Variants in MCPH1 observed in about 807,000 individuals in gnomAD.
MCPH1 encodes microcephalin.
A neutral mutation model predicts 84.5 loss-of-function variants in MCPH1; 104 were observed. The ratio of observed to expected loss-of-function variants is 1.23; its 90% CI spans 1.05 to 1.45. The LOEUF is 1.45. Ranked by LOEUF, MCPH1 falls within the 40% of genes most tolerant of loss-of-function variation. MCPH1 has a pLI of 0.00. For synonymous variants in MCPH1, 514 were observed against 366.8 expected (o/e 1.40, Z -4.58); for missense variants, 1,498 against 1,005.7 (o/e 1.49, Z -6.62).
chr8:6,463,752 T>C (rs1806540383), intron 9 of MCPH1, among the ~76,000 whole-genome samples: 1 of 152,226 alleles, frequency 6.6e-6, no homozygotes, highest in Non-Finnish European at 1.5e-5. Context: ...ATTATTTTCC[T>C]GGCGTTTCCT....
At chr8:6,544,838 C>T (rs535433052) in intron 12 of MCPH1, among the ~76,000 whole-genome samples, 1 of 152,216 alleles carries the variant, frequency 6.6e-6, no homozygotes, top group East Asian at 1.9e-4. Flanking sequence ...CAGGAAGACT[C>T]GAAATATGTT....
rs34298347 is a variant in MCPH1, at chr8:6,439,372, T to TAA, written c.580+284_580+285dup. 0.027 allele frequency among the ~76,000 whole-genome samples: 3,869 copies of TAA among 144,254 alleles called. 64 individuals carry two copies. Among genetic ancestry groups the TAA allele is most frequent in the Non-Finnish European group, 0.039 (2,585 of 66,610 alleles). 94.6% of individuals were successfully genotyped at this position (144,254 alleles called of 152,430 possible). On this transcript the variant is annotated intron_variant, in intron 6 of 13. Coordinates refer to ENST00000344683, the MANE Select transcript of MCPH1 (RefSeq NM_024596.5). Reference sequence around the variant, plus strand: ...TTGGAATTTTTTCTTTCTTTTTTTTTAAAAAAAAATGAATCATGTCTTTTT... The same window carrying TAA: ...TTGGAATTTTTTCTTTCTTTTTTTTTAAAAAAAAAAATGAATCATGTCTTTTT...
Position 6,406,953 on chromosome 8 carries a change from C to T in MCPH1, c.22+264C>T, listed in dbSNP as rs187489688. The T allele has an allele frequency of 8.5e-5, 46 of 540,768 alleles. No homozygotes were observed. The African/African-American group carries it at 9.6e-4, about 11-fold the overall frequency. 33.5% of individuals were successfully genotyped at this position (540,768 alleles called of 1,614,324 possible). ...TCCCGTGCTCCCTGTCCCCCCAAAC[C>T]CCCGACTGCCTGCTTCCTCCCCCGT... is the stretch of plus-strand genomic sequence containing the variant. On this transcript the variant is annotated intron_variant, in intron 1 of 13. Transcript: ENST00000344683.
Position 6,485,685 on chromosome 8 carries a change from T to C in MCPH1, c.2136+4809T>C, listed in dbSNP as rs377684906. On this transcript the variant is annotated intron_variant, in intron 11 of 13. Coordinates refer to ENST00000344683, the MANE Select transcript of MCPH1 (RefSeq NM_024596.5). ...ATGATGTCGCTATTTGTTAATAGTA[T>C]CAACTCTTGGGAGATTGCGAAGGCT... is the stretch of plus-strand genomic sequence containing the variant. 5.3e-5 allele frequency among the ~76,000 whole-genome samples: 8 copies of C among 152,284 alleles called. No homozygotes were observed. In the East Asian group the frequency reaches 1.5e-3, roughly 29 times the overall value.
intron 12 of MCPH1, among the ~76,000 whole-genome samples, chr8:6,551,149 G>T (rs1823580216): frequency 6.6e-6 from 1 of 152,194 alleles, no homozygotes; most frequent in South Asian, 2.1e-4. Context: ...TGCTGATGCT[G>T]ACTTAGGATT....
At chr8:6,503,344 G>A in intron 12 of MCPH1, 1 of 1,460,466 alleles carries the variant, frequency 6.8e-7, no homozygotes, top group Non-Finnish European at 9.5e-7. Context: ...AGCTAAGGCA[G>A]GAGGCACACT....
rs142174639 is a variant in MCPH1 at position 6,573,036 on chromosome 8, AAAAT to A, written c.2215-48406_2215-48403del. ...CTGAGAAAATTGCCTGTGCACTTAA[AAAAT>A]AAATAAATAAAAGGCGAGACCACGG... is the stretch of plus-strand genomic sequence containing the variant. On this transcript the variant is annotated intron_variant, in intron 12 of 13. Transcript: ENST00000344683. 5.9e-3 allele frequency among the ~76,000 whole-genome samples: 892 copies of A among 152,368 alleles called. 11 individuals are homozygous for A. Among genetic ancestry groups the A allele is most frequent in the East Asian group, 0.054 (278 of 5,190 alleles).
At chr8:6,463,894 G>A (rs957568015) in intron 9 of MCPH1, among the ~76,000 whole-genome samples, 2 of 152,182 alleles carry the variant, frequency 1.3e-5, no homozygotes, top group African/African-American at 4.8e-5. Flanking sequence ...GGTGCACTTG[G>A]CTGGAAGCAT....
At chr8:6,506,301 T>C (rs1813717335) in intron 12 of MCPH1, among the ~76,000 whole-genome samples, 2 of 152,148 alleles carry the variant, frequency 1.3e-5, no homozygotes, top group Non-Finnish European at 2.9e-5. Flanking sequence ...GGTTCATTCA[T>C]GGTCCAGACC....
chr8:6,533,478 T>C (rs940653978), intron 12 of MCPH1, among the ~76,000 whole-genome samples: 3 of 152,008 alleles, frequency 2.0e-5, no homozygotes, highest in Non-Finnish European at 2.9e-5. Flanking sequence ...ATAGGGTTTC[T>C]GGTTGGTCAG....
At chr8:6,632,581 G>C (rs1266420281) in intron 13 of MCPH1, among the ~76,000 whole-genome samples, 1 of 152,152 alleles carries the variant, frequency 6.6e-6, no homozygotes, top group Non-Finnish European at 1.5e-5. Flanking sequence ...AGGCCGAGGG[G>C]GGCGGATCAC....
chr8:6,599,080 T>C (rs1239990737), intron 12 of MCPH1, among the ~76,000 whole-genome samples: 1 of 152,182 alleles, frequency 6.6e-6, no homozygotes, highest in East Asian at 1.9e-4. Context: ...AAAGTGAAAA[T>C]CCGAGGCGCG....
At chr8:6,624,759 T>C (rs1831879999) in intron 13 of MCPH1, 9 of 958,948 alleles carry the variant, frequency 9.4e-6, no homozygotes, top group Non-Finnish European at 1.1e-5. Context: ...GGTTTATTTT[T>C]CTGTCCATAC....
At position 6,411,175 on chromosome 8, in the gene MCPH1, C is replaced by A. The variant is rs1435167290; in HGVS notation, c.114+1805C>A. 2.6e-5 allele frequency among the ~76,000 whole-genome samples: 4 copies of A among 152,256 alleles called. No individual in the cohort carries two copies. In the East Asian group the frequency reaches 7.7e-4, roughly 29 times the overall value. On this transcript the variant is annotated intron_variant, in intron 2 of 13. Coordinates refer to ENST00000344683, the MANE Select transcript of MCPH1 (RefSeq NM_024596.5). Reference sequence around the variant, plus strand: ...AAAGGTCATTTCTTGGGCATTTACACAGGCCTGGTTGAAGAGTTGGTGGTT... The same window carrying A: ...AAAGGTCATTTCTTGGGCATTTACAAAGGCCTGGTTGAAGAGTTGGTGGTT...
chr8:6,496,138 G>C (rs972825259), intron 11 of MCPH1, among the ~76,000 whole-genome samples: 4 of 152,122 alleles, frequency 2.6e-5, no homozygotes, highest in Non-Finnish European at 4.4e-5. Flanking sequence ...AAATCAGTGG[G>C]AGCCCTGAGC....
At chr8:6,510,606 A>T (rs1267806174) in intron 12 of MCPH1, among the ~76,000 whole-genome samples, 1 of 152,192 alleles carries the variant, frequency 6.6e-6, no homozygotes, top group Non-Finnish European at 1.5e-5. Flanking sequence ...TTTGGCACTG[A>T]AAGTCACTGA....
At chr8:6,454,411 A>G (rs932812360) in intron 8 of MCPH1, among the ~76,000 whole-genome samples, 7 of 152,224 alleles carry the variant, frequency 4.6e-5, no homozygotes, top group African/African-American at 1.2e-4. Context: ...GTTATGGTCC[A>G]TGTTAGCTCC....
At chr8:6,567,509 G>C (rs1053141265) in intron 12 of MCPH1, among the ~76,000 whole-genome samples, 1 of 152,212 alleles carries the variant, frequency 6.6e-6, no homozygotes. Context: ...GTGCCACACT[G>C]AAGTGAATTA....
At position 6,423,052 on chromosome 8, in the gene MCPH1, C is replaced by T. The variant is rs187283411; in HGVS notation, c.233+8169C>T. 4.4e-4 allele frequency among the ~76,000 whole-genome samples: 67 copies of T among 151,414 alleles called. No individual in the cohort carries two copies. In the East Asian group the frequency reaches 0.011, roughly 24 times the overall value. On this transcript the variant is annotated intron_variant, in intron 3 of 13. Transcript: ENST00000344683. ...TGGCCAGGCTGGTTTAACTCCTGACCTCAGGTGATCCGCCCACCTTGGCCT... is the reference window on the plus strand; with the variant it reads ...TGGCCAGGCTGGTTTAACTCCTGACTTCAGGTGATCCGCCCACCTTGGCCT...
Sources: gnomAD v4.1 joint callset for allele counts (sites outside exome capture counted in the v4.1 genomes callset) on GRCh38, gnomAD v4.1.1 for gene constraint, MANE v1.5 for transcripts, NCBI Gene and HGNC (gene_info 2026-07-23, HGNC 2026-07-21) for gene names.